Variants in MAPKAPK3 observed in about 807,000 individuals in gnomAD.
MAPKAPK3 encodes the protein MAPK activated protein kinase 3.
MAPKAPK3 carries 35 observed loss-of-function variants against 49.2 expected under a neutral mutation model. That is an observed-to-expected ratio of 0.71 (90% CI 0.54 to 0.94). The LOEUF (loss-of-function observed/expected upper bound fraction) is 0.94. MAPKAPK3 is among the 40% of genes least tolerant of loss of function. MAPKAPK3 has a pLI of 0.00. For missense variants in MAPKAPK3, 398 were observed against 493.1 expected, an observed-to-expected ratio of 0.81 and a Z score of 1.83; for synonymous variants, 178 against 188.7, an observed-to-expected ratio of 0.94 and a Z score of 0.46.
chr3:50,647,106 C>T lies in MAPKAPK3; in HGVS notation c.916-17C>T, dbSNP rs763692754. The T allele has an allele frequency of 1.9e-5, 30 of 1,559,270 alleles. No homozygotes were observed. The highest frequency in any genetic ancestry group is 1.1e-4 in the Admixed American group (6 of 52,218). ...GTGCCTCCAGTTTCTAATCCACGGG[C>T]GTGGGGCTCCTTCCAGCAATCGATG... On this transcript the variant is annotated splice_polypyrimidine_tract_variant and intron_variant, in intron 9 of 10. Coordinates refer to ENST00000621469, the MANE Select transcript of MAPKAPK3 (RefSeq NM_001243925.2).
chr3:50,637,158 C>T (rs1443352828), intron 2 of MAPKAPK3, among the ~76,000 whole-genome samples: 1 of 152,046 alleles, frequency 6.6e-6, no homozygotes, highest in Non-Finnish European at 1.5e-5. Flanking sequence ...TGGCCATCTA[C>T]CGCCCTCCTT....
At chr3:50,618,530 C>T (rs909248557) in intron 2 of MAPKAPK3, among the ~76,000 whole-genome samples, 4 of 152,142 alleles carry the variant, frequency 2.6e-5, no homozygotes, top group African/African-American at 9.7e-5. Flanking sequence ...TTAAGGCATA[C>T]AGTTCTGGGC....
chr3:50,642,927 C>A (rs2033208794), intron 5 of MAPKAPK3, among the ~76,000 whole-genome samples: 1 of 152,202 alleles, frequency 6.6e-6, no homozygotes. Context: ...TCTCGGCTCA[C>A]TGCAGCTTCC....
At chr3:50,614,018 G>A (rs2032401871), upstream of MAPKAPK3, 1 of 152,284 alleles carries the variant, frequency 6.6e-6, no homozygotes, top group African/African-American at 2.4e-5. Context: ...ATCTCCTACA[G>A]GTCAGTGATT....
At chr3:50,645,930 G>A in intron 7 of MAPKAPK3, 145 bp downstream of exon 7, 1 of 994,194 alleles carries the variant, frequency 1.0e-6, no homozygotes, top group South Asian at 1.5e-5. Context: ...CTTCCCTTTT[G>A]GTCATGGGAC....
Position 50,639,025 on chromosome 3 carries a change from ACTT to A in MAPKAPK3, c.220-1332_220-1330del, listed in dbSNP as rs139043243. The stretch of plus-strand genomic sequence containing the variant: ...CTGGGCCATCTCCTCATGCATGCTG[ACTT>A]CTTCTTCTCCCCCTACAGCAGGGCC... On this transcript the variant is annotated intron_variant, in intron 2 of 10. Transcript: ENST00000621469. 6.8e-3 allele frequency among the ~76,000 whole-genome samples: 1,041 copies of A among 152,118 alleles called. 8 individuals carry two copies. The highest frequency in any genetic ancestry group is 0.023 in the African/African-American group (973 of 41,486).
intron 2 of MAPKAPK3, among the ~76,000 whole-genome samples, chr3:50,619,418 C>G (rs2032554902): frequency 6.6e-6 from 1 of 152,170 alleles, no homozygotes; most frequent in African/African-American, 2.4e-5. Context: ...GCCCACTAAC[C>G]CAGCAGTCGA....
intron 6 of MAPKAPK3, 83 bp downstream of exon 6, chr3:50,644,615 C>G (rs1231720294): frequency 2.9e-5 from 43 of 1,468,550 alleles, no homozygotes; most frequent in Admixed American, 7.1e-5. Context: ...TTGCAGAAAC[C>G]AAAGGGTTAA....
intron 2 of MAPKAPK3, among the ~76,000 whole-genome samples, chr3:50,620,862 T>C (rs1257842537): frequency 1.3e-5 from 2 of 152,240 alleles, no homozygotes; most frequent in South Asian, 2.1e-4. Context: ...CTGCTTCTCC[T>C]GCTGACCTCT....
At chr3:50,646,633 G>T in intron 8 of MAPKAPK3, 107 bp from the exon 9 acceptor site, 1 of 939,906 alleles carries the variant, frequency 1.1e-6, no homozygotes, top group South Asian at 1.4e-5. Context: ...TTGGGAATTT[G>T]GGAGCACATG....
intron 10 of MAPKAPK3, among the ~76,000 whole-genome samples, chr3:50,647,635 A>G (rs2107603857): frequency 6.6e-6 from 1 of 152,394 alleles, no homozygotes; most frequent in South Asian, 2.1e-4. Context: ...GGTTTAGTTC[A>G]CTATCCCACT....
At chr3:50,643,588 C>T (rs754611668) in intron 5 of MAPKAPK3, among the ~76,000 whole-genome samples, 4 of 152,150 alleles carry the variant, frequency 2.6e-5, no homozygotes, top group Non-Finnish European at 4.4e-5. Flanking sequence ...TAAATCCTTG[C>T]TTTATTTGGA....
chr3:50,627,668 G>T (rs997321873), intron 2 of MAPKAPK3, among the ~76,000 whole-genome samples: 15 of 152,174 alleles, frequency 9.9e-5, no homozygotes, highest in African/African-American at 3.4e-4. Context: ...CCTCAGAGCT[G>T]CCAGGCCACC....
intron 2 of MAPKAPK3, among the ~76,000 whole-genome samples, chr3:50,637,182 T>C (rs2107592451): frequency 6.6e-6 from 1 of 152,164 alleles, no homozygotes; most frequent in African/African-American, 2.4e-5. Context: ...TCCCTCTGGC[T>C]CCTCCTATCT....
Position 50,647,149 on chromosome 3 carries a change from A to T in MAPKAPK3, c.942A>T (p.Pro314=), listed in dbSNP as rs756369996. The part of the protein sequence containing the change: ...INQSMVVPQT[P]LHTARVLQED... ...AATCGATGGTAGTGCCACAGACCCC[A>T]CTCCACACGGCCCGAGTGCTGCAGG... Residue 314 remains proline (P), a synonymous_variant, in exon 10 of 11, where the codon CCA becomes CCT. Transcript: ENST00000621469. The T allele has an allele frequency of 2.5e-6, 4 of 1,593,934 alleles. No homozygotes were observed. Among genetic ancestry groups the T allele is most frequent in the Non-Finnish European group, 3.4e-6 (4 of 1,170,120 alleles).
Position 50,617,503 on chromosome 3 carries a change from C to A in MAPKAPK3, c.-52-11C>A. On this transcript the variant is annotated splice_polypyrimidine_tract_variant and intron_variant, in intron 1 of 10. Coordinates refer to ENST00000621469, the MANE Select transcript of MAPKAPK3 (RefSeq NM_001243925.2). ...AGTCTGGGCGGGACTCACTCTTCCC[C>A]TTTCCCCCAGGTGCCACTAGAAGCG... is the stretch of plus-strand genomic sequence containing the variant. The A allele has an allele frequency of 1.2e-6, 1 of 803,504 alleles. No individual in the cohort carries two copies. Among genetic ancestry groups the A allele is most frequent in the South Asian group, 1.6e-5 (1 of 64,258 alleles). 49.8% of individuals were successfully genotyped at this position (803,504 alleles called of 1,614,324 possible). A position where few individuals can be genotyped will look rare whatever the true frequency, so the allele number is the denominator to read the frequency against.
Position 50,646,754 on chromosome 3 carries a change from C to A in MAPKAPK3, c.844C>A (p.Arg282Ser), listed in dbSNP as rs79652799. The change falls in exon 9 of 11, where the codon CGC becomes AGC. Residue 282 changes from arginine to serine, a missense_variant. Arg to Ser is a moderately radical substitution (Grantham distance 110). This residue lies in a region of MAPKAPK3 where 152 missense variants were observed against 177.3 expected (regional missense o/e 0.86). Coordinates refer to ENST00000621469, the MANE Select transcript of MAPKAPK3 (RefSeq NM_001243925.2). ...GGCCCCCCTAGCCAAGCAGCTGATC[C>A]GCCTCCTGTTGAAGACAGACCCCAC... ...EVSEDAKQLIRLLLKTDPTER... is the reference protein window; with the variant it reads ...EVSEDAKQLISLLLKTDPTER... 1 of 1,614,024 alleles carries A rather than the reference C, an allele frequency of 6.2e-7. No homozygotes were observed. Among genetic ancestry groups the A allele is most frequent in the South Asian group, 1.1e-5 (1 of 91,076 alleles).
chr3:50,629,773 C>T (rs948757964), intron 2 of MAPKAPK3, among the ~76,000 whole-genome samples: 2 of 152,240 alleles, frequency 1.3e-5, no homozygotes, highest in Non-Finnish European at 2.9e-5. Context: ...CTCTTCCCAT[C>T]CCCCAGACTT....
At chr3:50,634,135 A>G (rs2032976202) in intron 2 of MAPKAPK3, among the ~76,000 whole-genome samples, 1 of 152,220 alleles carries the variant, frequency 6.6e-6, no homozygotes, top group South Asian at 2.1e-4. Flanking sequence ...GAAAACCAGT[A>G]TATCAGAGCC....
Sources: gnomAD v4.1 joint callset for allele counts (sites outside exome capture counted in the v4.1 genomes callset) on GRCh38, gnomAD v4.1.1 for gene constraint, gnomAD v4.1.1 regional missense constraint, MANE v1.5 for transcripts, NCBI Gene and HGNC (gene_info 2026-07-23, HGNC 2026-07-21) for gene names.